DNMT3A: variants seen among roughly 807,000 people sequenced by gnomAD.
DNMT3A encodes DNA (cytosine-5)-methyltransferase 3A.
Under a neutral mutation model 117.6 loss-of-function variants are expected in DNMT3A, and 267 were observed. That is an observed-to-expected ratio of 2.27 (90% CI 2.05 to 2.51). The LOEUF is 2.51. Ranked by LOEUF, DNMT3A falls within the 30% of genes most tolerant of loss-of-function variation. DNMT3A has a pLI of 0.00. For missense variants in DNMT3A, 1,029 were observed against 1,260.2 expected, an observed-to-expected ratio of 0.82 and a Z score of 2.78; for synonymous variants, 432 against 474.8, an observed-to-expected ratio of 0.91 and a Z score of 1.17.
chr2:25,334,084 G>T (rs1322550004), intron 1 of DNMT3A, among the ~76,000 whole-genome samples: 1 of 152,198 alleles, frequency 6.6e-6, no homozygotes, highest in Non-Finnish European at 1.5e-5. Context: ...CAGGGGCAGG[G>T]TCAAAAAAGT....
intron 6 of DNMT3A, among the ~76,000 whole-genome samples, chr2:25,248,558 T>G (rs572237818): frequency 6.6e-6 from 1 of 152,032 alleles, no homozygotes. Context: ...TTTATTTATT[T>G]TTTTTTTTGG....
chr2:25,325,237 C>G (rs749039678), intron 1 of DNMT3A, among the ~76,000 whole-genome samples: 50 of 152,114 alleles, frequency 3.3e-4, no homozygotes, highest in Non-Finnish European at 1.3e-4. Context: ...AAGGCAGCAC[C>G]GATTTCCAAG....
At chr2:25,290,943 T>C (rs1028138823) in intron 3 of DNMT3A, among the ~76,000 whole-genome samples, 3 of 152,126 alleles carry the variant, frequency 2.0e-5, no homozygotes, top group Non-Finnish European at 2.9e-5. Context: ...GGGCCTGCCA[T>C]GGTGCTTTTA....
intron 6 of DNMT3A, chr2:25,251,787 G>A: frequency 3.7e-6 from 1 of 269,838 alleles, no homozygotes; most frequent in Non-Finnish European, 7.0e-6. Flanking sequence ...TGAGGACCGC[G>A]TGGTCCCCCA....
chr2:25,235,928 G>T, intron 21 of DNMT3A, 103 bp from the exon 22 acceptor site: 1 of 1,090,286 alleles, frequency 9.2e-7, no homozygotes, highest in Non-Finnish European at 1.4e-6. Context: ...ACCCTGACAG[G>T]GCCTGGTCCA....
intron 1 of DNMT3A, among the ~76,000 whole-genome samples, chr2:25,334,321 C>T (rs80083177): frequency 7.4e-4 from 113 of 152,340 alleles, no homozygotes; most frequent in African/African-American, 2.6e-3. Flanking sequence ...GTGATCACCA[C>T]CTGCTCAGGG....
chr2:25,236,662 G>GA lies in DNMT3A; in HGVS notation c.2478+273dup, dbSNP rs930937018. ...GGTTTTGGCCAAAAAATTTAAAAAT[G>GA]AAAAAAAAGCCACAGCACAACCAGG... is the stretch of plus-strand genomic sequence containing the variant. On this transcript the variant is annotated intron_variant, in intron 21 of 22. Coordinates refer to ENST00000321117, the MANE Select transcript of DNMT3A (RefSeq NM_022552.5). The surrounding 1 kb of genome is among the most constrained non-coding windows in gnomAD (Gnocchi z 4.5). Among the ~76,000 whole-genome samples, 5 of 151,464 alleles carry GA rather than the reference G, an allele frequency of 3.3e-5. No individual in the cohort carries two copies. The highest frequency in any genetic ancestry group is 7.4e-5 in the Non-Finnish European group (5 of 67,822).
At chr2:25,320,152 C>G (rs1046493236) in intron 1 of DNMT3A, among the ~76,000 whole-genome samples, 3 of 152,084 alleles carry the variant, frequency 2.0e-5, no homozygotes, top group Non-Finnish European at 2.9e-5. Flanking sequence ...GAGGAGGACA[C>G]GAAAGCCAGA....
chr2:25,241,430 A>C, intron 17 of DNMT3A, 132 bp downstream of exon 17: 1 of 1,254,884 alleles, frequency 8.0e-7, no homozygotes, highest in South Asian at 1.6e-5. Flanking sequence ...GAAGATAAGG[A>C]GAAAAAGAGG....
intron 3 of DNMT3A, among the ~76,000 whole-genome samples, chr2:25,287,521 C>T (rs541386622): frequency 8.5e-5 from 13 of 152,264 alleles, no homozygotes; most frequent in Admixed American, 2.0e-4. Context: ...ACCTTGCCTC[C>T]GGCTTTTCCT....
chr2:25,264,501 T>C (rs2030080067), intron 6 of DNMT3A, among the ~76,000 whole-genome samples: 1 of 151,416 alleles, frequency 6.6e-6, no homozygotes, highest in Admixed American at 6.6e-5. Flanking sequence ...AGAGTCTGGC[T>C]CTGTCGCCCA....
intron 10 of DNMT3A, 36 bp downstream of exon 10, chr2:25,246,584 G>T: frequency 1.3e-6 from 2 of 1,594,810 alleles, no homozygotes; most frequent in Non-Finnish European, 1.7e-6. Context: ...CTGCCTGGCG[G>T]GCAGGGGTCC....
At chr2:25,299,428 G>A (rs1481785045) in intron 3 of DNMT3A, among the ~76,000 whole-genome samples, 1 of 152,228 alleles carries the variant, frequency 6.6e-6, no homozygotes, top group African/African-American at 2.4e-5. Flanking sequence ...TCCTCCAGGT[G>A]GGGGCTGAGA....
In DNMT3A at chr2:25,341,898, C is replaced by G. The variant is rs2035477353; in HGVS notation, c.-250G>C. 1 of 980,442 alleles carries G rather than the reference C, an allele frequency of 1.0e-6. No individual in the cohort carries two copies. Among genetic ancestry groups the G allele is most frequent in the African/African-American group, 1.8e-5 (1 of 56,424 alleles). 60.7% of individuals were successfully genotyped at this position (980,442 alleles called of 1,614,324 possible). ...GCGGCGCCGCGTCCCGGCTCGTCCTCTGCTCTCGCCGCCGCCGCCGCCCGC... is the reference window on the plus strand; with the variant it reads ...GCGGCGCCGCGTCCCGGCTCGTCCTGTGCTCTCGCCGCCGCCGCCGCCCGC... On this transcript the variant is annotated 5_prime_UTR_variant, in exon 1 of 23. Transcript: ENST00000321117.
chr2:25,247,227 C>G lies in DNMT3A; in HGVS notation c.1015-69G>C. 2 of 1,469,436 alleles carry G rather than the reference C, an allele frequency of 1.4e-6. No individual in the cohort carries two copies. The highest frequency in any genetic ancestry group is 1.8e-5 in the Admixed American group (1 of 54,960). 91.0% of individuals were successfully genotyped at this position (1,469,436 alleles called of 1,614,324 possible). ...CAAGCACCCACCCCATGCCTTGCAA[C>G]TGGCAGGGGCTGGGAGCCTCGAGAG... On this transcript the variant is annotated intron_variant, in intron 8 of 22. Transcript: ENST00000321117. The surrounding 1 kb of genome is among the most constrained non-coding windows in gnomAD (Gnocchi z 5.6).
intron 6 of DNMT3A, among the ~76,000 whole-genome samples, chr2:25,273,606 C>T (rs1402841541): frequency 6.6e-6 from 1 of 152,190 alleles, no homozygotes; most frequent in South Asian, 2.1e-4. Flanking sequence ...ATCAAACATA[C>T]AAGACAGCTC....
chr2:25,241,696 G>C lies in DNMT3A; in HGVS notation c.1948C>G (p.Leu650Val), dbSNP rs1334392444. The change falls in exon 17 of 23, where the codon CTG becomes GTG. Residue 650 changes from leucine (L) to valine (V), a missense_variant. By Grantham distance (32) the Leu-to-Val change is conservative. Coordinates refer to ENST00000321117, the MANE Select transcript of DNMT3A (RefSeq NM_022552.5). ...TCCACCTGAATGCCCAAGTCCTTCA[G>C]CACCAGGAGCCCTGCACCAGCCAGC... ...FDGIATGLLV[L>V]KDLGIQVDRY... 1.9e-6 allele frequency: 3 copies of C among 1,613,686 alleles called. No homozygotes were observed. The highest frequency in any genetic ancestry group is 2.5e-6 in the Non-Finnish European group (3 of 1,179,902).
At position 25,239,217 on chromosome 2, in the gene DNMT3A, T is replaced by A. The variant is rs765045799; in HGVS notation, c.2323-2A>T. The A allele has an allele frequency of 6.2e-7, 1 of 1,613,640 alleles. No homozygotes were observed. Among genetic ancestry groups the A allele is most frequent in the Non-Finnish European group, 8.5e-7 (1 of 1,179,710 alleles). On this transcript the variant is annotated splice_acceptor_variant, in intron 19 of 22. Coordinates refer to ENST00000321117, the MANE Select transcript of DNMT3A (RefSeq NM_022552.5). LOFTEE classifies it high-confidence loss of function. Reference sequence around the variant, plus strand: ...GGCATCAATCATCACAGGGTTGGACTACAAAACAGGAGACGGTTTGAAGAT... The same window carrying A: ...GGCATCAATCATCACAGGGTTGGACAACAAAACAGGAGACGGTTTGAAGAT...
At chr2:25,280,460 C>T (rs1417945669) in intron 4 of DNMT3A, among the ~76,000 whole-genome samples, 2 of 152,204 alleles carry the variant, frequency 1.3e-5, no homozygotes, top group East Asian at 3.9e-4. Context: ...CTCCCTCCCA[C>T]CTGGGAGCCT....
Sources: gnomAD v4.1 joint callset for allele counts (sites outside exome capture counted in the v4.1 genomes callset) on GRCh38, gnomAD v4.1.1 for gene constraint, Gnocchi (gnomAD v3.1) non-coding constraint, MANE v1.5 for transcripts, NCBI Gene and HGNC (gene_info 2026-07-23, HGNC 2026-07-21) for gene names.